Variants in INPP5A observed in about 807,000 individuals in gnomAD.
The protein encoded by INPP5A is inositol polyphosphate-5-phosphatase A.
INPP5A carries 14 observed loss-of-function variants against 65.2 expected under a neutral mutation model. The ratio of observed to expected loss-of-function variants is 0.21; its 90% CI spans 0.14 to 0.34. The LOEUF is 0.34. Ranked by LOEUF, INPP5A falls within the 10% of genes least tolerant of loss-of-function variation. The pLI is 1.00. For missense variants in INPP5A, 431 were observed against 545.6 expected, an observed-to-expected ratio of 0.79 and a Z score of 2.09; for synonymous variants, 207 against 208.3, an observed-to-expected ratio of 0.99 and a Z score of 0.05.
rs944802696 is a variant in INPP5A at position 132,706,147 on chromosome 10, A to C, written c.475-2166A>C. 6.6e-6 allele frequency among the ~76,000 whole-genome samples: 1 copy of C among 152,284 alleles called. No individual in the cohort carries two copies. Among genetic ancestry groups the C allele is most frequent in the African/African-American group, 2.4e-5 (1 of 41,480 alleles). On this transcript the variant is annotated intron_variant, in intron 6 of 15. Coordinates refer to ENST00000368594, the MANE Select transcript of INPP5A (RefSeq NM_005539.5). This position sits in a 1 kb window ranked among gnomAD's most constrained non-coding sequence, Gnocchi z 4.7. ...TAGATGTGGTCAAAGAGAGAATCAG[A>C]GAATTAGACAATGTCATTAAGGAGT...
intron 13 of INPP5A, among the ~76,000 whole-genome samples, chr10:132,780,258 G>A (rs546879803): frequency 6.0e-4 from 91 of 152,338 alleles, no homozygotes; most frequent in African/African-American, 2.1e-3. Flanking sequence ...TTCCGGAGGC[G>A]CCCGGAATAC....
At chr10:132,770,309 G>T (rs1846926541) in intron 12 of INPP5A, among the ~76,000 whole-genome samples, 1 of 152,242 alleles carries the variant, frequency 6.6e-6, no homozygotes, top group Non-Finnish European at 1.5e-5. Context: ...CCGGCCATCG[G>T]GTGGCTCCTG....
chr10:132,557,148 G>C (rs2071137588), intron 1 of INPP5A, among the ~76,000 whole-genome samples: 1 of 152,250 alleles, frequency 6.6e-6, no homozygotes, highest in South Asian at 2.1e-4. Context: ...CGGCTTTCTG[G>C]GGAGAAGGTT....
rs936345596 is a variant in INPP5A at position 132,637,027 on chromosome 10, C to T, written c.118-8841C>T. On this transcript the variant is annotated intron_variant, in intron 2 of 15. Transcript: ENST00000368594. This position sits in a 1 kb window ranked among gnomAD's most constrained non-coding sequence, Gnocchi z 4.1. ...CCGCCTCCCGGGTTCAAGCGATTCT[C>T]CTGCCTCAGCCTCCCAAGTAGGTAG... Among the ~76,000 whole-genome samples, 2 of 152,340 alleles carry T rather than the reference C, an allele frequency of 1.3e-5. No individual in the cohort carries two copies. Among genetic ancestry groups the T allele is most frequent in the African/African-American group, 4.8e-5 (2 of 41,584 alleles).
intron 12 of INPP5A, among the ~76,000 whole-genome samples, chr10:132,775,651 G>A (rs555362306): frequency 3.2e-4 from 48 of 152,272 alleles, no homozygotes; most frequent in African/African-American, 1.0e-3. Flanking sequence ...CTGTTGAGTC[G>A]TCTGTGAACA....
At chr10:132,771,877 G>A (rs1846961943) in intron 12 of INPP5A, among the ~76,000 whole-genome samples, 1 of 100,530 alleles carries the variant, frequency 9.9e-6, no homozygotes, top group Non-Finnish European at 2.0e-5. Context: ...CCCGCGAAGA[G>A]TGGGACAGAC....
At chr10:132,701,081 G>A (rs1009013695) in intron 6 of INPP5A, among the ~76,000 whole-genome samples, 5 of 152,202 alleles carry the variant, frequency 3.3e-5, no homozygotes, top group African/African-American at 4.8e-5. Flanking sequence ...GGCCTTCGGC[G>A]TGAGGGTTGT....
At chr10:132,665,398 A>T (rs572343746) in intron 4 of INPP5A, among the ~76,000 whole-genome samples, 3 of 152,364 alleles carry the variant, frequency 2.0e-5, no homozygotes, top group African/African-American at 7.2e-5. Context: ...AGGAAAAGTG[A>T]TATTAAGATT....
intron 1 of INPP5A, among the ~76,000 whole-genome samples, chr10:132,565,823 A>C (rs183666550): frequency 6.8e-6 from 1 of 147,376 alleles, no homozygotes; most frequent in East Asian, 2.0e-4. Context: ...GTATGCATGT[A>C]TGTGTGCATG....
chr10:132,745,732 G>A (rs371471201), intron 9 of INPP5A, among the ~76,000 whole-genome samples: 25 of 149,064 alleles, frequency 1.7e-4, no homozygotes, highest in African/African-American at 5.9e-4. Flanking sequence ...GGCTTCGGGC[G>A]TGGTGGGCCT....
intron 2 of INPP5A, among the ~76,000 whole-genome samples, chr10:132,631,323 C>T (rs1452955715): frequency 6.6e-6 from 1 of 152,176 alleles, no homozygotes; most frequent in Non-Finnish European, 1.5e-5. Flanking sequence ...AAACAGGCCT[C>T]TTTCTGGGGT....
At chr10:132,769,237 A>G (rs1326000800) in intron 12 of INPP5A, among the ~76,000 whole-genome samples, 1 of 152,268 alleles carries the variant, frequency 6.6e-6, no homozygotes, top group Non-Finnish European at 1.5e-5. Context: ...AAAGGTGCTA[A>G]TATTTCAGAC....
chr10:132,666,560 G>A (rs968662760), intron 4 of INPP5A, among the ~76,000 whole-genome samples: 5 of 152,304 alleles, frequency 3.3e-5, no homozygotes, highest in Middle Eastern at 3.4e-3. Flanking sequence ...GCACCATCCC[G>A]AGGCTGCCGA....
chr10:132,596,950 T>C (rs1191714160), intron 1 of INPP5A, among the ~76,000 whole-genome samples: 11 of 143,374 alleles, frequency 7.7e-5, no homozygotes, highest in Non-Finnish European at 1.2e-4. Context: ...TGTGCGTGTG[T>C]GCACACATGT....
intron 1 of INPP5A, among the ~76,000 whole-genome samples, chr10:132,577,952 A>G (rs887540045): frequency 6.6e-6 from 1 of 152,228 alleles, no homozygotes; most frequent in Non-Finnish European, 1.5e-5. Flanking sequence ...TGAAGCTGGC[A>G]GCTGGACAGC....
intron 4 of INPP5A, among the ~76,000 whole-genome samples, chr10:132,679,181 C>T (rs971650569): frequency 1.3e-5 from 2 of 152,126 alleles, no homozygotes; most frequent in Admixed American, 6.5e-5. Flanking sequence ...AGTGCAGAGA[C>T]GTGGAAGGCT....
At position 132,538,958 on chromosome 10, in the gene INPP5A, TC is replaced by T. The variant is rs1179876479; in HGVS notation, c.75+789del. ...CCCAGCTTATGGCCCTGAACACTTG[TC>T]CTTGACCCCTGAACCTGGAACCCTG... On this transcript the variant is annotated intron_variant, in intron 1 of 15. Transcript: ENST00000368594. The surrounding 1 kb of genome is among the most constrained non-coding windows in gnomAD (Gnocchi z 4.1). 6.6e-6 allele frequency among the ~76,000 whole-genome samples: 1 copy of T among 152,046 alleles called. No individual in the cohort carries two copies.
At chr10:132,574,696 ATTT>A (rs754973521) in intron 1 of INPP5A, among the ~76,000 whole-genome samples, 11 of 104,008 alleles carry the variant, frequency 1.1e-4, no homozygotes, top group Admixed American at 1.0e-3. Context: ...GGGTCTCAGT[ATTT>A]TTTTTTTTTG....
At chr10:132,672,223 A>G (rs1423048889) in intron 4 of INPP5A, among the ~76,000 whole-genome samples, 3 of 152,204 alleles carry the variant, frequency 2.0e-5, no homozygotes, top group African/African-American at 7.2e-5. Flanking sequence ...GTGACATAAG[A>G]TTTATTCACT....
Sources: gnomAD v4.1 joint callset for allele counts (sites outside exome capture counted in the v4.1 genomes callset) on GRCh38, gnomAD v4.1.1 for gene constraint, Gnocchi (gnomAD v3.1) non-coding constraint, MANE v1.5 for transcripts, NCBI Gene and HGNC (gene_info 2026-07-23, HGNC 2026-07-21) for gene names.